MAN1C1: variants seen among roughly 807,000 people sequenced by gnomAD.
The protein encoded by MAN1C1 is mannosidase alpha class 1C member 1, also known as mannosyl-oligosaccharide 1,2-alpha-mannosidase IC.
MAN1C1 carries 49 observed loss-of-function variants against 71.5 expected under a neutral mutation model. The observed-to-expected ratio is 0.69, with a 90% confidence interval of 0.54 to 0.87. The LOEUF is 0.87. Ranked by LOEUF, MAN1C1 falls within the 40% of genes least tolerant of loss-of-function variation. The pLI is 0.00. For synonymous variants in MAN1C1, 352 were observed against 343.7 expected, an observed-to-expected ratio of 1.02 and a Z score of -0.27; for missense variants, 743 against 835.0, an observed-to-expected ratio of 0.89 and a Z score of 1.36.
rs558856298 is a variant in MAN1C1, at chr1:25,706,523, G to A, written c.637+19987G>A. Among the ~76,000 whole-genome samples the A allele has an allele frequency of 1.4e-4, 21 of 151,960 alleles. No homozygotes were observed. In the South Asian group the frequency reaches 3.1e-3, roughly 23 times the overall value. On this transcript the variant is annotated intron_variant, in intron 2 of 11. Transcript: ENST00000374332. ...TTCTTTACAGAGACTGGACTCTGGC[G>A]GGGGGGAATCCTTGCAGGCCATTCT... is the stretch of plus-strand genomic sequence containing the variant.
chr1:25,745,104 G>C (rs2047110863), intron 2 of MAN1C1, among the ~76,000 whole-genome samples: 1 of 152,212 alleles, frequency 6.6e-6, no homozygotes, highest in Non-Finnish European at 1.5e-5. Context: ...TCTGCACTGA[G>C]TGCAAAAGGC....
chr1:25,703,469 G>T (rs527289009), intron 2 of MAN1C1, among the ~76,000 whole-genome samples: 14 of 152,320 alleles, frequency 9.2e-5, no homozygotes, highest in Non-Finnish European at 1.9e-4. Flanking sequence ...ATCACCTGAG[G>T]TCGGGAGTTC....
chr1:25,740,419 T>TTTG (rs377520036), intron 2 of MAN1C1, among the ~76,000 whole-genome samples: 168 of 151,638 alleles, frequency 1.1e-3, no homozygotes, highest in African/African-American at 1.9e-3. Context: ...GACTTGAATT[T>TTTG]TTGTTGTTGT....
intron 1 of MAN1C1, among the ~76,000 whole-genome samples, chr1:25,669,693 T>A (rs2045969453): frequency 6.6e-6 from 1 of 152,108 alleles, no homozygotes; most frequent in Non-Finnish European, 1.5e-5. Flanking sequence ...GGTGAGAGGA[T>A]CACTTAAGCC....
At chr1:25,684,006 G>C (rs1231146487) in intron 1 of MAN1C1, among the ~76,000 whole-genome samples, 1 of 152,142 alleles carries the variant, frequency 6.6e-6, no homozygotes, top group Non-Finnish European at 1.5e-5. Flanking sequence ...TCACATTCCT[G>C]CAGTGACAGC....
At chr1:25,666,717 T>C (rs940102837) in intron 1 of MAN1C1, among the ~76,000 whole-genome samples, 10 of 152,312 alleles carry the variant, frequency 6.6e-5, no homozygotes, top group African/African-American at 2.4e-4. Flanking sequence ...TCCTCCTTTA[T>C]ACAAAACATA....
rs1355377068 is a variant in MAN1C1 at position 25,771,668 on chromosome 1, G to A, written c.1153G>A (p.Val385Ile). 3 of 1,613,692 alleles carry A rather than the reference G, an allele frequency of 1.9e-6. No homozygotes were observed. Among genetic ancestry groups the A allele is most frequent in the Non-Finnish European group, 2.5e-6 (3 of 1,179,566 alleles). Residue 385 changes from valine to isoleucine, a missense_variant, in exon 8 of 12, where the codon GTT becomes ATT. Physicochemically the swap from Val to Ile is conservative, Grantham distance 29. Transcript: ENST00000374332. ...CTTTCCCTTCACAGACCATGTCTCA[G>A]TTGGAGGACTCGGGGACAGTTTTTA... Reference protein sequence around the residue: ...SGNWVQHHVSVGGLGDSFYEY... With the variant: ...SGNWVQHHVSIGGLGDSFYEY...
chr1:25,641,140 A>G (rs1346885962), intron 1 of MAN1C1, among the ~76,000 whole-genome samples: 2 of 152,196 alleles, frequency 1.3e-5, no homozygotes, highest in East Asian at 1.9e-4. Context: ...GGCTGGAACA[A>G]TGCTTCCTGG....
At chr1:25,620,636 GGTTT>G (rs1191535277) in intron 1 of MAN1C1, among the ~76,000 whole-genome samples, 1 of 152,160 alleles carries the variant, frequency 6.6e-6, no homozygotes, top group Non-Finnish European at 1.5e-5. Context: ...TTTCCTCCCT[GGTTT>G]GTTTATTTCC....
rs1197282642 is a variant in MAN1C1, at chr1:25,711,249, A to T, written c.637+24713A>T. Among the ~76,000 whole-genome samples, 1 of 152,210 alleles carries T rather than the reference A, an allele frequency of 6.6e-6. No individual in the cohort carries two copies. The highest frequency in any genetic ancestry group is 1.5e-5 in the Non-Finnish European group (1 of 68,040). On this transcript the variant is annotated intron_variant, in intron 2 of 11. Transcript: ENST00000374332. This position sits in a 1 kb window ranked among gnomAD's most constrained non-coding sequence, Gnocchi z 4.3. ...GTTGGTCAGAGTAAGTTAATTGGCC[A>T]GCCTGGACACAAGGAGTGAAGAGAG... is the stretch of plus-strand genomic sequence containing the variant.
chr1:25,735,675 G>C lies in MAN1C1; in HGVS notation c.638-10993G>C, dbSNP rs114904454. Among the ~76,000 whole-genome samples the C allele has an allele frequency of 2.0e-4, 31 of 152,248 alleles. No individual in the cohort carries two copies. Among genetic ancestry groups the C allele is most frequent in the African/African-American group, 7.5e-4 (31 of 41,536 alleles). ...CAGTGTTGTTTGTGACTGCAGATAG[G>C]CTGGAATTTGGTTTATCTAGGCTGC... On this transcript the variant is annotated intron_variant, in intron 2 of 11. Transcript: ENST00000374332. This position sits in a 1 kb window ranked among gnomAD's most constrained non-coding sequence, Gnocchi z 4.6.
rs1054640280 is a variant in MAN1C1 at position 25,782,363 on chromosome 1, G to A, written c.1651-222G>A. On this transcript the variant is annotated intron_variant, in intron 10 of 11. Coordinates refer to ENST00000374332, the MANE Select transcript of MAN1C1 (RefSeq NM_020379.4). The surrounding 1 kb of genome is among the most constrained non-coding windows in gnomAD (Gnocchi z 4.4). ...CCATCGGGCCAGAGCTCTCAGAGGT[G>A]TGGGTGGAAGGAGTGTGGCCCCTCC... Among the ~76,000 whole-genome samples the A allele has an allele frequency of 6.6e-6, 1 of 152,192 alleles. No homozygotes were observed. Among genetic ancestry groups the A allele is most frequent in the African/African-American group, 2.4e-5 (1 of 41,448 alleles).
intron 2 of MAN1C1, among the ~76,000 whole-genome samples, chr1:25,729,606 G>A (rs956382186): frequency 2.0e-5 from 3 of 151,878 alleles, no homozygotes; most frequent in Admixed American, 6.6e-5. Context: ...CTGCCTCCAG[G>A]GTTCAAGCAA....
chr1:25,629,773 G>GT (rs1263901806), intron 1 of MAN1C1, among the ~76,000 whole-genome samples: 1 of 151,368 alleles, frequency 6.6e-6, no homozygotes, highest in Non-Finnish European at 1.5e-5. Flanking sequence ...GTTTCTTGTG[G>GT]TTTTTAGACA....
At chr1:25,757,448 C>G (rs566479221) in intron 5 of MAN1C1, among the ~76,000 whole-genome samples, 1 of 152,200 alleles carries the variant, frequency 6.6e-6, no homozygotes, top group Admixed American at 6.5e-5. Flanking sequence ...CTTGGTTGTC[C>G]TAAATATCCC....
chr1:25,687,873 A>G (rs1177865517), intron 2 of MAN1C1, among the ~76,000 whole-genome samples: 1 of 152,028 alleles, frequency 6.6e-6, no homozygotes, highest in Non-Finnish European at 1.5e-5. Context: ...TGCAGCCTCC[A>G]TTGACATCTT....
chr1:25,656,607 T>TTCTGTGTGTG (rs1256722440), intron 1 of MAN1C1, among the ~76,000 whole-genome samples: 1 of 152,196 alleles, frequency 6.6e-6, no homozygotes, highest in African/African-American at 2.4e-5. Flanking sequence ...GTGGTTAATC[T>TTCTGTGTGTG]TCTGTGTGTG....
chr1:25,782,764 C>T lies in MAN1C1; in HGVS notation c.1766+64C>T. On this transcript the variant is annotated intron_variant, in intron 11 of 11. Transcript: ENST00000374332. This position sits in a 1 kb window ranked among gnomAD's most constrained non-coding sequence, Gnocchi z 4.4. The stretch of plus-strand genomic sequence containing the variant: ...GAGGTTGAGGGTAGGGGTCCGCAGT[C>T]CCTCCCCTCCACAGTCAGGTTCTGT... The T allele has an allele frequency of 1.7e-6, 2 of 1,184,874 alleles. No homozygotes were observed. Among genetic ancestry groups the T allele is most frequent in the Non-Finnish European group, 2.5e-6 (2 of 794,190 alleles). The allele number at this position is 1,184,874 out of a possible 1,614,324, so 73.4% of individuals were successfully genotyped here. A position where few individuals can be genotyped will look rare whatever the true frequency, so the allele number is the denominator to read the frequency against.
chr1:25,661,139 G>A (rs543208085), intron 1 of MAN1C1, among the ~76,000 whole-genome samples: 3 of 151,484 alleles, frequency 2.0e-5, no homozygotes, highest in South Asian at 2.1e-4. Context: ...ATCAACCATC[G>A]CCCATGTTGG....
Sources: allele counts gnomAD v4.1 joint callset (sites outside exome capture counted in the v4.1 genomes callset), GRCh38; gene constraint gnomAD v4.1.1; non-coding constraint Gnocchi (gnomAD v3.1); transcripts MANE v1.5; gene names NCBI Gene and HGNC (gene_info 2026-07-23, HGNC 2026-07-21).